The following ABCB5 variants were observed in gnomAD, a reference collection of about 807,000 sequenced individuals.
ABCB5 encodes the protein ATP-binding cassette sub-family B member 5.
Under a neutral mutation model 144.2 loss-of-function variants are expected in ABCB5, and 155 were observed. The observed-to-expected ratio is 1.08, with a 90% CI of 0.94 to 1.23. The LOEUF (loss-of-function observed/expected upper bound fraction) is 1.23. Ranked by LOEUF, ABCB5 falls within the 50% of genes most tolerant of loss-of-function variation. The pLI, the probability that ABCB5 is intolerant of heterozygous loss-of-function variation, is 0.00. For missense variants in ABCB5, 1,830 were observed against 1,520.8 expected, an observed-to-expected ratio of 1.20 and a Z score of -3.38; for synonymous variants, 610 against 528.6, an observed-to-expected ratio of 1.15 and a Z score of -2.11.
chr7:20,690,597 G>A (rs908851368), intron 16 of ABCB5, among the ~76,000 whole-genome samples: 1 of 152,172 alleles, frequency 6.6e-6, no homozygotes, highest in Non-Finnish European at 1.5e-5. Context: ...AACAGTGTGT[G>A]GGGGCCAGAG....
rs369552638 is a variant in ABCB5 at position 20,632,074 on chromosome 7, G to A, written c.275G>A (p.Cys92Tyr). Residue 92 changes from cysteine (C) to tyrosine (Y), a missense_variant, in exon 5 of 28, where the codon TGT becomes TAT. Transcript: ENST00000404938. ...VQTNTTNYQN[C>Y]TQSQEKLNED... is the part of the protein sequence containing the mutation. Reference sequence around the variant, plus strand: ...TTTTTTACAGCAAATTATCAGAACTGTACTCAGTCTCAAGAGAAGCTGAAT... The same window carrying A: ...TTTTTTACAGCAAATTATCAGAACTATACTCAGTCTCAAGAGAAGCTGAAT... The A allele has an allele frequency of 6.6e-7, 1 of 1,523,830 alleles. No individual in the cohort carries two copies. The highest frequency in any genetic ancestry group is 2.2e-5 in the Admixed American group (1 of 45,084). The allele number at this position is 1,523,830 out of a possible 1,614,324, so 94.4% of individuals were successfully genotyped here.
chr7:20,739,047 T>A lies in ABCB5; in HGVS notation c.2932T>A (p.Tyr978Asn). 6.2e-7 allele frequency: 1 copy of A among 1,612,828 alleles called. No homozygotes were observed. ...AGAAACGCTCGTTTTGGCTCCTGAATATTCCAAAGCCAAATCGGGGGCTGC... is the reference window on the plus strand; with the variant it reads ...AGAAACGCTCGTTTTGGCTCCTGAAAATTCCAAAGCCAAATCGGGGGCTGC... ...IGETLVLAPE[Y>N]SKAKSGAAHL... is the part of the protein sequence containing the mutation. The change falls in exon 24 of 28, where the codon TAT (tyrosine) becomes AAT (asparagine). Residue 978 changes from tyrosine to asparagine, a missense_variant. Transcript: ENST00000404938.
chr7:20,692,649 A>G (rs1786269952), intron 16 of ABCB5, among the ~76,000 whole-genome samples: 1 of 152,012 alleles, frequency 6.6e-6, no homozygotes, highest in Admixed American at 6.6e-5. Context: ...TTTTTCAAAG[A>G]AAAAAGAACA....
intron 20 of ABCB5, among the ~76,000 whole-genome samples, chr7:20,706,531 T>C (rs1786829638): frequency 6.6e-6 from 1 of 152,228 alleles, no homozygotes; most frequent in South Asian, 2.1e-4. Context: ...TCAACCTGAT[T>C]ATAAGCACCT....
chr7:20,731,369 A>ATATATAT (rs1554289436), intron 23 of ABCB5, among the ~76,000 whole-genome samples: 25 of 123,074 alleles, frequency 2.0e-4, no homozygotes, highest in Admixed American at 8.5e-4. Context: ...AAAAAAAAAA[A>ATATATAT]ATATATATAT....
chr7:20,753,355 G>T lies in ABCB5; in HGVS notation c.3430-5G>T. 6.2e-7 allele frequency: 1 copy of T among 1,606,754 alleles called. No individual in the cohort carries two copies. The highest frequency in any genetic ancestry group is 8.5e-7 in the Non-Finnish European group (1 of 1,175,516). On this transcript the variant is annotated splice_polypyrimidine_tract_variant and splice_region_variant and intron_variant, in intron 26 of 27. Coordinates refer to ENST00000404938, the MANE Select transcript of ABCB5 (RefSeq NM_001163941.2). Reference sequence around the variant, plus strand: ...TGCTTTCTTAATTGCATGCTCCTGTGATAGAAATACAACACACAAGTTGGA... The same window carrying T: ...TGCTTTCTTAATTGCATGCTCCTGTTATAGAAATACAACACACAAGTTGGA...
At chr7:20,691,316 G>C (rs115563208) in intron 16 of ABCB5, among the ~76,000 whole-genome samples, 1,905 of 151,592 alleles carry the variant, frequency 0.013, 45 homozygotes, top group African/African-American at 0.044. Flanking sequence ...ACAGAGCTAA[G>C]AGTTGAAGGA....
In ABCB5 at chr7:20,651,613, A is replaced by C. The variant is rs1337844138; in HGVS notation, c.1526A>C (p.Glu509Ala). ...REANAYDFIM[E>A]FPNKFNTLVG... is the part of the protein sequence containing the mutation. Reference sequence around the variant, plus strand: ...GCAAATGCGTATGATTTTATCATGGAGTTTCCTAATGTGAGTACACTGTGC... The same window carrying C: ...GCAAATGCGTATGATTTTATCATGGCGTTTCCTAATGTGAGTACACTGTGC... The change falls in exon 13 of 28, where the codon GAG becomes GCG. Residue 509 changes from glutamate (E) to alanine (A), a missense_variant. By Grantham distance (107) the Glu-to-Ala change is moderately radical (BLOSUM62 -1). Transcript: ENST00000404938. The C allele has an allele frequency of 6.2e-7, 1 of 1,614,036 alleles. No homozygotes were observed. Among genetic ancestry groups the C allele is most frequent in the Non-Finnish European group, 8.5e-7 (1 of 1,179,936 alleles).
chr7:20,730,685 A>G (rs2128052167), intron 23 of ABCB5, among the ~76,000 whole-genome samples: 1 of 152,298 alleles, frequency 6.6e-6, no homozygotes, highest in African/African-American at 2.4e-5. Context: ...ACAAGAAACA[A>G]AATCTGAAAT....
chr7:20,631,615 T>C (rs940157276), intron 4 of ABCB5, among the ~76,000 whole-genome samples: 4 of 152,206 alleles, frequency 2.6e-5, no homozygotes, highest in Non-Finnish European at 5.9e-5. Flanking sequence ...CATGTTTCAC[T>C]GAGCTTTCCA....
chr7:20,669,104 G>C (rs552677201), intron 14 of ABCB5, among the ~76,000 whole-genome samples: 809 of 150,438 alleles, frequency 5.4e-3, no homozygotes, highest in African/African-American at 0.019. Flanking sequence ...AGGATGGTGG[G>C]GGGGGTCAGC....
intron 4 of ABCB5, 93 bp downstream of exon 4, chr7:20,628,931 T>C: frequency 7.3e-7 from 1 of 1,377,990 alleles, no homozygotes; most frequent in Non-Finnish European, 9.9e-7. Flanking sequence ...ATTATTGTAT[T>C]GTAAAACAGT....
intron 20 of ABCB5, among the ~76,000 whole-genome samples, chr7:20,720,835 A>T (rs949007205): frequency 5.5e-4 from 83 of 149,714 alleles, no homozygotes; most frequent in African/African-American, 1.6e-3. Flanking sequence ...TCCCAGCTAC[A>T]CGGGAGGCTG....
At chr7:20,668,599 G>GGC (rs1554282736) in intron 14 of ABCB5, among the ~76,000 whole-genome samples, 4 of 146,158 alleles carry the variant, frequency 2.7e-5, no homozygotes, top group Non-Finnish European at 6.1e-5. Context: ...GTGGGGGGGG[G>GGC]GGTCAGCCCC....
chr7:20,689,824 A>G (rs1786151489), intron 16 of ABCB5, among the ~76,000 whole-genome samples: 1 of 152,202 alleles, frequency 6.6e-6, no homozygotes, highest in Non-Finnish European at 1.5e-5. Flanking sequence ...TTAGGCAAAA[A>G]AGTGAATTTG....
At chr7:20,668,595 GGGGGGGTC>G (rs1785314661) in intron 14 of ABCB5, among the ~76,000 whole-genome samples, 17 of 149,622 alleles carry the variant, frequency 1.1e-4, no homozygotes, top group Middle Eastern at 3.5e-3. Context: ...GGAGGTGGGG[GGGGGGGTC>G]AGCCCCCCGC....
rs1055949643 is a variant in ABCB5 at position 20,755,922 on chromosome 7, C to T, written c.*298C>T. The T allele has an allele frequency of 9.3e-6, 3 of 322,606 alleles. No homozygotes were observed. Among genetic ancestry groups the T allele is most frequent in the Admixed American group, 4.6e-5 (1 of 21,824 alleles). The allele number at this position is 322,606 out of a possible 1,614,324, so 20.0% of individuals were successfully genotyped here. A position where few individuals can be genotyped will look rare whatever the true frequency, so the allele number is the denominator to read the frequency against. On this transcript the variant is annotated 3_prime_UTR_variant, in exon 28 of 28. Coordinates refer to ENST00000404938, the MANE Select transcript of ABCB5 (RefSeq NM_001163941.2). Reference sequence around the variant, plus strand: ...AGGTGAATTTATTTCCCATCAACTTCTGCTATAAAATCGGAAATATGTTTC... The same window carrying T: ...AGGTGAATTTATTTCCCATCAACTTTTGCTATAAAATCGGAAATATGTTTC...
In ABCB5 at chr7:20,635,120, C is replaced by G. The variant is rs567418179; in HGVS notation, c.314+3007C>G. The stretch of plus-strand genomic sequence containing the variant: ...GGGTCCAGTTTTATTCTTTTGCTTA[C>G]AGATTTCCAATTTTCCCAGCACCAC... On this transcript the variant is annotated intron_variant, in intron 5 of 27. Transcript: ENST00000404938. Among the ~76,000 whole-genome samples the G allele has an allele frequency of 2.6e-5, 4 of 152,004 alleles. 1 individual carries two copies. The South Asian group carries it at 8.3e-4, about 32-fold the overall frequency.
intron 3 of ABCB5, among the ~76,000 whole-genome samples, chr7:20,627,169 A>G (rs1471744023): frequency 6.6e-6 from 1 of 152,126 alleles, no homozygotes; most frequent in Admixed American, 6.6e-5. Flanking sequence ...ACCCACTCTA[A>G]TCTCTGTGTC....
Sources: allele counts gnomAD v4.1 joint callset (sites outside exome capture counted in the v4.1 genomes callset), GRCh38; gene constraint gnomAD v4.1.1; transcripts MANE v1.5; gene names NCBI Gene and HGNC (gene_info 2026-07-23, HGNC 2026-07-21).